The following MSRA variants were observed in gnomAD, a reference collection of about 807,000 sequenced individuals.
The protein encoded by MSRA is mitochondrial peptide methionine sulfoxide reductase.
In MSRA, 54 loss-of-function variants were observed where a neutral mutation model predicts 31.3. The ratio of observed to expected loss-of-function variants is 1.73; its 90% confidence interval spans 1.39 to 2.17. The LOEUF (loss-of-function observed/expected upper bound fraction) is 2.17, where lower values mean the gene tolerates loss of function less well. MSRA is among the 30% of genes most tolerant of loss of function. The pLI is 0.00. For synonymous variants in MSRA, 169 were observed against 116.5 expected (o/e 1.45, Z -2.90); for missense variants, 507 against 300.9 (o/e 1.69, Z -5.07).
At chr8:10,339,785 C>CA (rs999782374) in intron 5 of MSRA, among the ~76,000 whole-genome samples, 3 of 151,704 alleles carry the variant, frequency 2.0e-5, no homozygotes, top group African/African-American at 7.3e-5. Context: ...TCGTGATCCC[C>CA]CCGCCTCGGC....
At chr8:10,303,246 C>T (rs1344000649) in intron 4 of MSRA, among the ~76,000 whole-genome samples, 1 of 152,188 alleles carries the variant, frequency 6.6e-6, no homozygotes, top group African/African-American at 2.4e-5. Flanking sequence ...TAGGCTTAGG[C>T]CTGGCAGAAT....
intron 5 of MSRA, among the ~76,000 whole-genome samples, chr8:10,418,843 C>CAAAAAAA (rs33958722): frequency 1.0e-5 from 1 of 100,014 alleles, no homozygotes; most frequent in Admixed American, 1.2e-4. Context: ...AAAAAACCAA[C>CAAAAAAA]AAAAAAAAAA....
chr8:10,342,723 A>G (rs1803507803), intron 5 of MSRA, among the ~76,000 whole-genome samples: 1 of 152,144 alleles, frequency 6.6e-6, no homozygotes, highest in South Asian at 2.1e-4. Flanking sequence ...AGGTAAAGCA[A>G]TGCTCCCAAG....
intron 1 of MSRA, among the ~76,000 whole-genome samples, chr8:10,136,918 G>A (rs1802324284): frequency 6.6e-6 from 1 of 152,220 alleles, no homozygotes; most frequent in Admixed American, 6.5e-5. Flanking sequence ...TGTCCAGCAT[G>A]GACGGCAAAT....
At chr8:10,069,852 A>G (rs1797643957) in intron 1 of MSRA, among the ~76,000 whole-genome samples, 1 of 152,234 alleles carries the variant, frequency 6.6e-6, no homozygotes, top group South Asian at 2.1e-4. Context: ...GCTGAGAGTT[A>G]ATATGTTCTT....
intron 2 of MSRA, among the ~76,000 whole-genome samples, chr8:10,218,520 G>T (rs75020250): frequency 1.3e-5 from 2 of 152,140 alleles, no homozygotes; most frequent in Non-Finnish European, 2.9e-5. Context: ...CTTAGAAACT[G>T]CAAGATATTC....
At chr8:10,349,989 C>T (rs564548674) in intron 5 of MSRA, among the ~76,000 whole-genome samples, 1 of 152,378 alleles carries the variant, frequency 6.6e-6, no homozygotes, top group African/African-American at 2.4e-5. Context: ...ACCGCTGAAG[C>T]TTGTGGCTTG....
chr8:10,128,226 A>G (rs1801639870), intron 1 of MSRA, among the ~76,000 whole-genome samples: 1 of 152,108 alleles, frequency 6.6e-6, no homozygotes, highest in African/African-American at 2.4e-5. Context: ...AAAAATTCAA[A>G]ACATTAGCCA....
intron 1 of MSRA, among the ~76,000 whole-genome samples, chr8:10,101,775 C>T (rs145230579): frequency 1.0e-3 from 155 of 152,294 alleles, no homozygotes; most frequent in African/African-American, 3.4e-3. Context: ...CATTTTCTTT[C>T]TCCATTCATC....
intron 3 of MSRA, among the ~76,000 whole-genome samples, chr8:10,285,813 T>C (rs1799905379): frequency 6.6e-6 from 1 of 152,224 alleles, no homozygotes; most frequent in Non-Finnish European, 1.5e-5. Flanking sequence ...TTATCTTAAA[T>C]GACAGTTTTG....
intron 1 of MSRA, among the ~76,000 whole-genome samples, chr8:10,102,722 G>A (rs771590783): frequency 2.6e-5 from 4 of 152,164 alleles, no homozygotes; most frequent in Non-Finnish European, 5.9e-5. Flanking sequence ...TAAGCCTTCT[G>A]TGTTAACAAA....
intron 1 of MSRA, among the ~76,000 whole-genome samples, chr8:10,097,920 C>G (rs993976998): frequency 6.6e-6 from 1 of 151,844 alleles, no homozygotes; most frequent in Non-Finnish European, 1.5e-5. Flanking sequence ...AGTTTCTTAC[C>G]AATAGAAATT....
At chr8:10,079,738 A>T (rs943616368) in intron 1 of MSRA, among the ~76,000 whole-genome samples, 7 of 152,094 alleles carry the variant, frequency 4.6e-5, no homozygotes, top group Non-Finnish European at 1.5e-5. Context: ...ATAAGCCACA[A>T]AGTGTTTCCC....
At chr8:10,113,897 C>T (rs1295878626) in intron 1 of MSRA, among the ~76,000 whole-genome samples, 2 of 152,140 alleles carry the variant, frequency 1.3e-5, no homozygotes, top group African/African-American at 4.8e-5. Context: ...GCCATCACCA[C>T]TGTCTAATTA....
At chr8:10,126,123 A>G (rs573212213) in intron 1 of MSRA, among the ~76,000 whole-genome samples, 30 of 152,198 alleles carry the variant, frequency 2.0e-4, no homozygotes, top group Admixed American at 1.4e-3. Flanking sequence ...TAAAAATTCA[A>G]GGTTCTTCTA....
intron 5 of MSRA, among the ~76,000 whole-genome samples, chr8:10,362,689 G>C (rs1396257784): frequency 6.6e-6 from 1 of 152,064 alleles, no homozygotes; most frequent in Non-Finnish European, 1.5e-5. Context: ...GGAGGTCTCA[G>C]ATGAGGACCC....
chr8:10,203,272 G>A (rs1437716121), intron 1 of MSRA, among the ~76,000 whole-genome samples: 2 of 152,298 alleles, frequency 1.3e-5, no homozygotes, highest in East Asian at 3.9e-4. Flanking sequence ...AAAGGGAAGA[G>A]GGGTTGAGAT....
At chr8:10,205,765 T>C (rs1249637075) in intron 1 of MSRA, among the ~76,000 whole-genome samples, 2 of 152,264 alleles carry the variant, frequency 1.3e-5, no homozygotes, top group African/African-American at 4.8e-5. Context: ...TGCCAGTCTT[T>C]TCACATAAAT....
At chr8:10,354,752 A>G (rs12545766) in intron 5 of MSRA, among the ~76,000 whole-genome samples, 25,669 of 62,964 alleles carry the variant, frequency 0.41, 2,802 homozygotes, top group East Asian at 0.7. Context: ...GTGTGTGTGT[A>G]TATATATATA....
Sources: gnomAD v4.1 joint callset for allele counts (sites outside exome capture counted in the v4.1 genomes callset) on GRCh38, gnomAD v4.1.1 for gene constraint, MANE v1.5 for transcripts, NCBI Gene and HGNC (gene_info 2026-07-23, HGNC 2026-07-21) for gene names.